Variants in ABCC4 observed in about 807,000 individuals in gnomAD.
ABCC4 encodes the protein ATP binding cassette subfamily C member 4 (PEL blood group).
In ABCC4, 102 loss-of-function variants were observed where a neutral mutation model predicts 168.5. The ratio of observed to expected loss-of-function variants is 0.61; its 90% CI spans 0.52 to 0.71. The LOEUF is 0.71. Among genes scored for constraint, ABCC4 ranks in the 30% least tolerant of loss-of-function variants. ABCC4 has a pLI of 0.00. For synonymous variants in ABCC4, 617 were observed against 590.7 expected (o/e 1.04, Z -0.65); for missense variants, 1,402 against 1,605.8 (o/e 0.87, Z 2.17).
chr13:95,216,359 A>G (rs2039109171), intron 4 of ABCC4, among the ~76,000 whole-genome samples: 1 of 152,184 alleles, frequency 6.6e-6, no homozygotes, highest in South Asian at 2.1e-4. Flanking sequence ...TTTTGATTCT[A>G]TGCTTCATTA....
intron 3 of ABCC4, among the ~76,000 whole-genome samples, chr13:95,238,375 G>A (rs1198769389): frequency 6.6e-6 from 1 of 152,012 alleles, no homozygotes; most frequent in East Asian, 1.9e-4. Context: ...AATCACCCAG[G>A]AGACTTACAC....
chr13:95,174,910 G>A (rs1004077121), intron 13 of ABCC4, among the ~76,000 whole-genome samples: 10 of 152,018 alleles, frequency 6.6e-5, no homozygotes, highest in East Asian at 1.9e-4. Flanking sequence ...TGCCATCCAC[G>A]TTTTTTTTGG....
At chr13:95,092,749 AAAC>A (rs988718680) in intron 20 of ABCC4, among the ~76,000 whole-genome samples, 3 of 152,160 alleles carry the variant, frequency 2.0e-5, no homozygotes, top group Admixed American at 6.5e-5. Flanking sequence ...AAATGAAATG[AAAC>A]AACAACAACA....
At chr13:95,059,669 A>T (rs1298518245) in intron 26 of ABCC4, among the ~76,000 whole-genome samples, 3 of 152,030 alleles carry the variant, frequency 2.0e-5, no homozygotes, top group African/African-American at 7.2e-5. Context: ...CTGCTTCACT[A>T]TTTAAATTTA....
chr13:95,269,633 A>G (rs945489383), intron 1 of ABCC4, among the ~76,000 whole-genome samples: 7 of 151,988 alleles, frequency 4.6e-5, no homozygotes, highest in Non-Finnish European at 8.8e-5. Flanking sequence ...TTAACCTTAT[A>G]ATTTATTATC....
chr13:95,169,580 G>C (rs1015899392), intron 14 of ABCC4, among the ~76,000 whole-genome samples: 1 of 151,948 alleles, frequency 6.6e-6, no homozygotes. Flanking sequence ...CCCTCCCCAG[G>C]TGACCGCATG....
At chr13:95,285,937 G>A (rs370919246) in intron 1 of ABCC4, among the ~76,000 whole-genome samples, 5 of 152,142 alleles carry the variant, frequency 3.3e-5, no homozygotes, top group Admixed American at 1.3e-4. Flanking sequence ...CAGTCAAGAC[G>A]TGGCAACTGA....
At chr13:95,132,548 A>G (rs2036004853) in intron 19 of ABCC4, among the ~76,000 whole-genome samples, 1 of 152,166 alleles carries the variant, frequency 6.6e-6, no homozygotes, top group Admixed American at 6.6e-5. Context: ...TCCCTAGATT[A>G]CTTATAATGC....
At position 95,246,842 on chromosome 13, in the gene ABCC4, C is replaced by A. The variant is rs879158033; in HGVS notation, c.306+133G>T. On this transcript the variant is annotated intron_variant, in intron 3 of 30. Coordinates refer to ENST00000645237, the MANE Select transcript of ABCC4 (RefSeq NM_005845.5). ...TTCCTAGACATGTTTAATCCTTAGACCTTAAAATACCTTCAAACCCCATCT... is the reference window on the plus strand; with the variant it reads ...TTCCTAGACATGTTTAATCCTTAGAACTTAAAATACCTTCAAACCCCATCT... The A allele has an allele frequency of 5.7e-6, 6 of 1,046,138 alleles. No individual in the cohort carries two copies. In the East Asian group the frequency reaches 1.4e-4, roughly 25 times the overall value. 64.8% of individuals were successfully genotyped at this position (1,046,138 alleles called of 1,614,324 possible).
intron 19 of ABCC4, among the ~76,000 whole-genome samples, chr13:95,148,535 T>A (rs2036568984): frequency 1.3e-5 from 2 of 151,570 alleles, no homozygotes; most frequent in South Asian, 4.2e-4. Context: ...ATAATTCTTA[T>A]TGTGGTGGGA....
intron 20 of ABCC4, 126 bp downstream of exon 20, chr13:95,115,796 C>A: frequency 1.4e-6 from 1 of 736,634 alleles, no homozygotes; most frequent in Non-Finnish European, 2.3e-6. Context: ...CAAACATGGC[C>A]CTTTATTAAG....
At position 95,247,060 on chromosome 13, in the gene ABCC4, T is replaced by A; in HGVS notation, c.221A>T (p.Asp74Val). The change falls in exon 3 of 31, where the codon GAC becomes GTC. Residue 74 changes from aspartate to valine, a missense_variant. Coordinates refer to ENST00000645237, the MANE Select transcript of ABCC4 (RefSeq NM_005845.5). ...WDKEVLRAEN[D>V]AQKPSLTRAI... ...TCTTGTTAAAGAAGGCTTCTGTGCG[T>A]CATTCTCAGCTCTTAAAACTTCTTT... The A allele has an allele frequency of 6.2e-6, 10 of 1,613,718 alleles. No individual in the cohort carries two copies. Among genetic ancestry groups the A allele is most frequent in the Non-Finnish European group, 8.5e-6 (10 of 1,179,616 alleles).
At chr13:95,083,015 C>A in intron 21 of ABCC4, 125 bp downstream of exon 21, 1 of 1,096,436 alleles carries the variant, frequency 9.1e-7, no homozygotes, top group Admixed American at 2.3e-5. Context: ...CCAATACGTT[C>A]AATTACCTAA....
Position 95,062,724 on chromosome 13 carries a change from T to G in ABCC4, c.3346A>C (p.Lys1116Gln), listed in dbSNP as rs1284369969. ...TEIGLHDLRK[K>Q]MSIIPQEPVL... ...CATACCTGAGGTATGATTGACATCT[T>G]CTTCCTTAAATCGTGAAGTCCAATT... Residue 1116 changes from lysine (K) to glutamine (Q), a missense_variant, in exon 26 of 31, where the codon AAG becomes CAG. Around this residue, in one of 3 missense-constraint regions of ABCC4, gnomAD observed 1,007 missense variants for 1,127.3 expected, o/e 0.89. Coordinates refer to ENST00000645237, the MANE Select transcript of ABCC4 (RefSeq NM_005845.5). 6.2e-7 allele frequency: 1 copy of G among 1,613,846 alleles called. No individual in the cohort carries two copies. Among genetic ancestry groups the G allele is most frequent in the Admixed American group, 1.7e-5 (1 of 59,992 alleles).
intron 16 of ABCC4, 22 bp from the exon 17 acceptor site, chr13:95,163,669 A>C: frequency 6.2e-7 from 1 of 1,606,360 alleles, no homozygotes; most frequent in Non-Finnish European, 8.5e-7. Flanking sequence ...GAAACAACAA[A>C]GACAAAAATC....
chr13:95,161,045 T>TGAA, intron 19 of ABCC4, 144 bp downstream of exon 19: 1 of 288,770 alleles, frequency 3.5e-6, no homozygotes, highest in Non-Finnish European at 5.3e-6. Context: ...AAAATATCAG[T>TGAA]GAAGTTTCTT....
rs370760410 is a variant in ABCC4, at chr13:95,251,184, A to T, written c.75-3431T>A. On this transcript the variant is annotated intron_variant, in intron 1 of 30. Coordinates refer to ENST00000645237, the MANE Select transcript of ABCC4 (RefSeq NM_005845.5). ...TGAGTCTTCAGTTTCTATGAGCTTCATGTTCCCCATAGCCACAAGTAAAGG... is the reference window on the plus strand; with the variant it reads ...TGAGTCTTCAGTTTCTATGAGCTTCTTGTTCCCCATAGCCACAAGTAAAGG... 2.0e-5 allele frequency among the ~76,000 whole-genome samples: 3 copies of T among 152,162 alleles called. No homozygotes were observed. The East Asian group carries it at 5.8e-4, about 29-fold the overall frequency.
intron 4 of ABCC4, among the ~76,000 whole-genome samples, chr13:95,216,803 G>A (rs9516542): frequency 0.16 from 25,072 of 151,982 alleles, 2,799 homozygotes; most frequent in Non-Finnish European, 0.25. Flanking sequence ...TCATTTCACC[G>A]GGGAAAATGT....
chr13:95,077,920 A>G (rs2033962800), intron 21 of ABCC4, among the ~76,000 whole-genome samples: 1 of 152,050 alleles, frequency 6.6e-6, no homozygotes, highest in African/African-American at 2.4e-5. Flanking sequence ...ACAGTTCCGT[A>G]AGTGAAGGAG....
Sources: gnomAD v4.1 joint callset for allele counts (sites outside exome capture counted in the v4.1 genomes callset) on GRCh38, gnomAD v4.1.1 for gene constraint, gnomAD v4.1.1 regional missense constraint, MANE v1.5 for transcripts, NCBI Gene and HGNC (gene_info 2026-07-23, HGNC 2026-07-21) for gene names.